ZCCHC7: variants seen among roughly 807,000 people sequenced by gnomAD.
ZCCHC7 encodes the protein zinc finger CCHC-type containing 7, also known as zinc finger CCHC domain-containing protein 7.
Under a neutral mutation model 52.0 loss-of-function variants are expected in ZCCHC7, and 35 were observed. The ratio of observed to expected loss-of-function variants is 0.67; its 90% CI spans 0.51 to 0.89. The LOEUF is 0.89. Ranked by LOEUF, ZCCHC7 falls within the 40% of genes least tolerant of loss-of-function variation. The pLI is 0.00. For synonymous variants in ZCCHC7, 217 were observed against 221.5 expected (o/e 0.98, Z 0.18); for missense variants, 574 against 649.1 (o/e 0.88, Z 1.26).
At chr9:37,238,375 C>T (rs1310544614) in intron 2 of ZCCHC7, among the ~76,000 whole-genome samples, 2 of 152,202 alleles carry the variant, frequency 1.3e-5, no homozygotes, top group African/African-American at 2.4e-5. Context: ...TTGGACAGTA[C>T]ACCTGCTATG....
intron 4 of ZCCHC7, among the ~76,000 whole-genome samples, chr9:37,304,545 T>TGGG (rs1398149067): frequency 2.0e-5 from 3 of 151,878 alleles, no homozygotes; most frequent in Non-Finnish European, 4.4e-5. Flanking sequence ...TAGTCCCAGC[T>TGGG]ACTTGGGAGG....
intron 2 of ZCCHC7, among the ~76,000 whole-genome samples, chr9:37,128,123 A>G (rs1842619160): frequency 6.6e-6 from 1 of 152,246 alleles, no homozygotes; most frequent in South Asian, 2.1e-4. Context: ...GTAGAAAGAA[A>G]GAAACTTGTG....
intron 5 of ZCCHC7, among the ~76,000 whole-genome samples, chr9:37,315,394 C>A (rs993471950): frequency 6.6e-6 from 1 of 151,666 alleles, no homozygotes; most frequent in Non-Finnish European, 1.5e-5. Context: ...GCGTGATCTT[C>A]GTTTGTTGTA....
chr9:37,302,078 C>A, intron 2 of ZCCHC7, 110 bp from the exon 3 acceptor site: 1 of 848,216 alleles, frequency 1.2e-6, no homozygotes, highest in South Asian at 1.5e-5. Context: ...CAACATTTCT[C>A]AGTGTACCTT....
At chr9:37,343,283 C>T (rs919254738) in intron 6 of ZCCHC7, among the ~76,000 whole-genome samples, 2 of 152,202 alleles carry the variant, frequency 1.3e-5, no homozygotes, top group Non-Finnish European at 2.9e-5. Context: ...AGCAGCAAGA[C>T]ATATGATTTG....
chr9:37,254,369 G>T (rs1826471688), intron 2 of ZCCHC7, among the ~76,000 whole-genome samples: 3 of 151,936 alleles, frequency 2.0e-5, no homozygotes, highest in Admixed American at 2.0e-4. Flanking sequence ...TATTTACAAA[G>T]AGTTGGGAAC....
chr9:37,161,770 C>T (rs909964573), intron 2 of ZCCHC7, among the ~76,000 whole-genome samples: 1 of 152,156 alleles, frequency 6.6e-6, no homozygotes. Context: ...TACATAACTC[C>T]TTTAGTTGGA....
At chr9:37,205,081 A>T (rs909903324) in intron 2 of ZCCHC7, 1 of 165,254 alleles carries the variant, frequency 6.1e-6, no homozygotes, top group Non-Finnish European at 1.3e-5. Flanking sequence ...GAGCGGGTTC[A>T]TGACAACAGG....
At chr9:37,131,594 G>A (rs1842786419) in intron 2 of ZCCHC7, among the ~76,000 whole-genome samples, 1 of 152,158 alleles carries the variant, frequency 6.6e-6, no homozygotes, top group Non-Finnish European at 1.5e-5. Flanking sequence ...GCAGTGAGCC[G>A]AGATTGTGCA....
chr9:37,185,518 T>G (rs575324172), intron 2 of ZCCHC7, among the ~76,000 whole-genome samples: 16 of 152,344 alleles, frequency 1.1e-4, no homozygotes, highest in South Asian at 4.1e-4. Flanking sequence ...CAGCAGAAAT[T>G]TCTTCTCTCA....
Position 37,327,865 on chromosome 9 carries a change from A to G in ZCCHC7, c.987+31A>G, listed in dbSNP as rs755188456. 6.8e-6 allele frequency: 11 copies of G among 1,610,946 alleles called. No homozygotes were observed. The South Asian group carries it at 1.1e-4, about 16-fold the overall frequency. Reference sequence around the variant, plus strand: ...TAGAAACACCTTTTTTATTTTCCCCAAGACCTAGCCTATTTACCCTTCTCT... The same window carrying G: ...TAGAAACACCTTTTTTATTTTCCCCGAGACCTAGCCTATTTACCCTTCTCT... On this transcript the variant is annotated intron_variant, in intron 6 of 8. Coordinates refer to ENST00000336755, the MANE Select transcript of ZCCHC7 (RefSeq NM_032226.3).
intron 2 of ZCCHC7, among the ~76,000 whole-genome samples, chr9:37,199,366 T>C: frequency 6.7e-6 from 1 of 149,502 alleles, no homozygotes; most frequent in Admixed American, 6.7e-5. Flanking sequence ...AGCTTCACTC[T>C]TGTTGCCCAG....
intron 2 of ZCCHC7, among the ~76,000 whole-genome samples, chr9:37,269,472 A>G (rs1303208050): frequency 6.6e-6 from 1 of 151,582 alleles, no homozygotes; most frequent in Non-Finnish European, 1.5e-5. Context: ...TTTAAAAATT[A>G]ACTGAGTGTT....
chr9:37,311,102 C>A (rs1829580204), intron 5 of ZCCHC7, among the ~76,000 whole-genome samples: 1 of 151,980 alleles, frequency 6.6e-6, no homozygotes, highest in Non-Finnish European at 1.5e-5. Flanking sequence ...TGTTGATTTT[C>A]AGATACAGAG....
At chr9:37,201,158 C>T (rs559168971) in intron 2 of ZCCHC7, among the ~76,000 whole-genome samples, 32 of 152,278 alleles carry the variant, frequency 2.1e-4, no homozygotes, top group Non-Finnish European at 2.1e-4. Flanking sequence ...GGTTAAAAAA[C>T]GATCCAGAGA....
intron 2 of ZCCHC7, among the ~76,000 whole-genome samples, chr9:37,269,687 T>TA (rs1189271549): frequency 6.7e-6 from 1 of 149,952 alleles, no homozygotes; most frequent in Non-Finnish European, 1.5e-5. Flanking sequence ...GTTGTTATCT[T>TA]AGGTTAGTGA....
intron 2 of ZCCHC7, among the ~76,000 whole-genome samples, chr9:37,154,308 T>C (rs1311638745): frequency 6.6e-6 from 1 of 152,194 alleles, no homozygotes; most frequent in African/African-American, 2.4e-5. Flanking sequence ...AATGAAATAA[T>C]GCATGTGATG....
chr9:37,134,312 G>T (rs1196238700), intron 2 of ZCCHC7, among the ~76,000 whole-genome samples: 1 of 151,868 alleles, frequency 6.6e-6, no homozygotes, highest in African/African-American at 2.4e-5. Flanking sequence ...AATTTCCAAT[G>T]GTCTGAATTT....
At chr9:37,214,315 A>G (rs1824391528) in intron 2 of ZCCHC7, among the ~76,000 whole-genome samples, 2 of 152,060 alleles carry the variant, frequency 1.3e-5, no homozygotes, top group African/African-American at 4.8e-5. Context: ...TTAAGGAAAC[A>G]TTATCCCAGA....
Sources: gnomAD v4.1 joint callset for allele counts (sites outside exome capture counted in the v4.1 genomes callset) on GRCh38, gnomAD v4.1.1 for gene constraint, MANE v1.5 for transcripts, NCBI Gene and HGNC (gene_info 2026-07-23, HGNC 2026-07-21) for gene names.